Variants in FRAS1 observed in about 807,000 individuals in gnomAD.
The protein encoded by FRAS1 is extracellular matrix organizing protein FRAS1.
FRAS1 carries 290 observed loss-of-function variants against 435.2 expected under a neutral mutation model. The observed-to-expected ratio is 0.67, with a 90% CI of 0.61 to 0.73. FRAS1 has a LOEUF of 0.73. Among genes scored for constraint, FRAS1 ranks in the 30% least tolerant of loss-of-function variants. The probability of loss-of-function intolerance (pLI) is 0.00; values close to 1 mark genes in which losing one functional copy is unlikely to be tolerated. For synonymous variants in FRAS1, 1,800 were observed against 1,851.0 expected, an observed-to-expected ratio of 0.97 and a Z score of 0.71; for missense variants, 4,860 against 5,001.5, an observed-to-expected ratio of 0.97 and a Z score of 0.85.
In FRAS1 at chr4:78,265,709, C is replaced by A. The variant is rs1244147499; in HGVS notation, c.687+601C>A. ...GAGTGAATGTTCTGTCTTGGGAGTG[C>A]CTAGCTGGTCCAGAAAAAGGTTACA... On this transcript the variant is annotated intron_variant, in intron 7 of 73. Coordinates refer to ENST00000512123, the MANE Select transcript of FRAS1 (RefSeq NM_025074.7). Among the ~76,000 whole-genome samples the A allele has an allele frequency of 3.3e-5, 5 of 152,050 alleles. No homozygotes were observed. In the East Asian group the frequency reaches 9.6e-4, roughly 29 times the overall value.
chr4:78,113,811 G>A (rs1742924899), intron 2 of FRAS1, among the ~76,000 whole-genome samples: 2 of 152,264 alleles, frequency 1.3e-5, no homozygotes, highest in South Asian at 4.1e-4. Flanking sequence ...TTCTTTTGCT[G>A]TGCAGAAGTT....
chr4:78,265,041 G>A lies in FRAS1; in HGVS notation c.620G>A (p.Arg207Gln), dbSNP rs376052996. The A allele has an allele frequency of 1.4e-5, 23 of 1,610,108 alleles. No homozygotes were observed. The highest frequency in any genetic ancestry group is 5.3e-5 in the African/African-American group (4 of 74,840). ...LFCNQDETVV[R>Q]VPGKCCPQCS... ...CGTGTTAAGGATGAGACTGTAGTCC[G>A]AGTCCCTGGAAAATGTTGCCCGCAG... Residue 207 changes from arginine (R) to glutamine (Q), a missense_variant, in exon 7 of 74, where the codon CGA becomes CAA. Coordinates refer to ENST00000512123, the MANE Select transcript of FRAS1 (RefSeq NM_025074.7).
Position 78,289,987 on chromosome 4 carries a change from C to T in FRAS1, c.1534+3448C>T, listed in dbSNP as rs184649200. ...ATCTAAACTGGATCCAGGTGGAACTCGCCAGGTCCTGAGAACATTCTTTCT... is the reference window on the plus strand; with the variant it reads ...ATCTAAACTGGATCCAGGTGGAACTTGCCAGGTCCTGAGAACATTCTTTCT... On this transcript the variant is annotated intron_variant, in intron 14 of 73. Transcript: ENST00000512123. Among the ~76,000 whole-genome samples the T allele has an allele frequency of 1.2e-3, 184 of 152,268 alleles. 3 individuals carry two copies. The highest frequency in any genetic ancestry group is 8.1e-3 in the South Asian group (39 of 4,826).
chr4:78,253,197 G>C (rs1337378199), intron 5 of FRAS1, among the ~76,000 whole-genome samples: 1 of 152,156 alleles, frequency 6.6e-6, no homozygotes, highest in African/African-American at 2.4e-5. Flanking sequence ...TCCATTTATA[G>C]GCTGTCTGCA....
At chr4:78,495,573 G>A (rs1720488326) in intron 59 of FRAS1, among the ~76,000 whole-genome samples, 1 of 152,080 alleles carries the variant, frequency 6.6e-6, no homozygotes, top group Admixed American at 6.6e-5. Context: ...ACACATACAT[G>A]TACTACAGAT....
intron 2 of FRAS1, among the ~76,000 whole-genome samples, chr4:78,233,783 C>T (rs1007344488): frequency 6.6e-6 from 1 of 152,250 alleles, no homozygotes; most frequent in Non-Finnish European, 1.5e-5. Flanking sequence ...CCTAGTCAGT[C>T]TGTCTCCAGA....
At chr4:78,252,615 AC>A in intron 5 of FRAS1, 64 bp downstream of exon 5, 1 of 1,428,036 alleles carries the variant, frequency 7.0e-7, no homozygotes, top group Non-Finnish European at 9.6e-7. Flanking sequence ...TATCGGGGGA[AC>A]CAGCCCTCAA....
At chr4:78,286,580 C>T in intron 14 of FRAS1, 41 bp downstream of exon 14, 1 of 1,600,410 alleles carries the variant, frequency 6.2e-7, no homozygotes, top group Non-Finnish European at 8.5e-7. Context: ...GCTACCAAGA[C>T]AGCTCCCCAA....
intron 57 of FRAS1, 107 bp downstream of exon 57, chr4:78,482,071 C>A (rs1029429984): frequency 1.0e-5 from 12 of 1,145,710 alleles, no homozygotes; most frequent in African/African-American, 7.8e-5. Flanking sequence ...ATATTCCTAT[C>A]TTTCCTTTCT....
intron 70 of FRAS1, among the ~76,000 whole-genome samples, chr4:78,531,145 G>A (rs918818251): frequency 3.3e-5 from 5 of 152,124 alleles, no homozygotes; most frequent in African/African-American, 1.2e-4. Flanking sequence ...CTGTTTGTCT[G>A]TTACTGTTGT....
intron 22 of FRAS1, among the ~76,000 whole-genome samples, chr4:78,367,777 C>T (rs528567010): frequency 6.6e-6 from 1 of 152,226 alleles, no homozygotes; most frequent in South Asian, 2.1e-4. Context: ...TTCATTATTT[C>T]AACTGGTTAA....
At chr4:78,129,298 A>G (rs1434920360) in intron 2 of FRAS1, among the ~76,000 whole-genome samples, 5 of 152,200 alleles carry the variant, frequency 3.3e-5, no homozygotes, top group Non-Finnish European at 1.5e-5. Flanking sequence ...GAAGAAAGTC[A>G]TTGTTATGAA....
At chr4:78,194,864 T>C (rs555081967) in intron 2 of FRAS1, among the ~76,000 whole-genome samples, 219 of 152,334 alleles carry the variant, frequency 1.4e-3, no homozygotes, top group African/African-American at 5.1e-3. Flanking sequence ...TTTACGGTTT[T>C]CTGTTTTTCT....
rs138303722 is a variant in FRAS1 at position 78,355,416 on chromosome 4, G to A, written c.2423-8097G>A. ...GAGTCTTATATTTAAAGACTCTACTGTAATTGCAATAGTGACAAACAAGAA... is the reference window on the plus strand; with the variant it reads ...GAGTCTTATATTTAAAGACTCTACTATAATTGCAATAGTGACAAACAAGAA... On this transcript the variant is annotated intron_variant, in intron 20 of 73. Coordinates refer to ENST00000512123, the MANE Select transcript of FRAS1 (RefSeq NM_025074.7). Among the ~76,000 whole-genome samples, 421 of 152,184 alleles carry A rather than the reference G, an allele frequency of 2.8e-3. 2 individuals carry two copies. The highest frequency in any genetic ancestry group is 9.9e-3 in the African/African-American group (409 of 41,522).
chr4:78,161,742 CAAAAAAAAAAAAAA>C (rs71214399), intron 2 of FRAS1, among the ~76,000 whole-genome samples: 2 of 24,878 alleles, frequency 8.0e-5, no homozygotes, highest in African/African-American at 2.0e-4. Context: ...AACTCTGTCT[CAAAAAAAAAAAAAA>C]AAAAAAAAAA....
chr4:78,440,119 T>C (rs939677882), intron 40 of FRAS1, among the ~76,000 whole-genome samples: 2 of 149,048 alleles, frequency 1.3e-5, no homozygotes, highest in Non-Finnish European at 3.0e-5. Context: ...CAAGCTCCGC[T>C]TCCCGGGTTC....
At chr4:78,396,165 C>G (rs1732654550) in intron 29 of FRAS1, among the ~76,000 whole-genome samples, 1 of 152,066 alleles carries the variant, frequency 6.6e-6, no homozygotes, top group Non-Finnish European at 1.5e-5. Context: ...ACTGGCATCA[C>G]AATTTATATC....
At chr4:78,193,989 T>G (rs993688177) in intron 2 of FRAS1, among the ~76,000 whole-genome samples, 42 of 152,192 alleles carry the variant, frequency 2.8e-4, no homozygotes, top group African/African-American at 9.7e-4. Context: ...TCTCTCAGCA[T>G]TTGCTTGTCT....
At chr4:78,250,862 T>G (rs963195391) in intron 4 of FRAS1, among the ~76,000 whole-genome samples, 1 of 152,196 alleles carries the variant, frequency 6.6e-6, no homozygotes, top group African/African-American at 2.4e-5. Flanking sequence ...ATAATTAGTA[T>G]TTTTTACAAT....
Sources: allele counts gnomAD v4.1 joint callset (sites outside exome capture counted in the v4.1 genomes callset), GRCh38; gene constraint gnomAD v4.1.1; transcripts MANE v1.5; gene names NCBI Gene and HGNC (gene_info 2026-07-23, HGNC 2026-07-21).